EPB41L4A: variants seen among roughly 807,000 people sequenced by gnomAD.
EPB41L4A encodes band 4.1-like protein 4A.
EPB41L4A carries 100 observed loss-of-function variants against 108.6 expected under a neutral mutation model. The ratio of observed to expected loss-of-function variants is 0.92; its 90% confidence interval spans 0.78 to 1.09. EPB41L4A has a LOEUF of 1.09. Among genes scored for constraint, EPB41L4A ranks in the 50% least tolerant of loss-of-function variants. The probability of loss-of-function intolerance (pLI) is 0.00; values close to 1 mark genes in which losing one functional copy is unlikely to be tolerated. For synonymous variants in EPB41L4A, 319 were observed against 289.0 expected, an observed-to-expected ratio of 1.10 and a Z score of -1.05; for missense variants, 1,030 against 842.7, an observed-to-expected ratio of 1.22 and a Z score of -2.75.
intron 1 of EPB41L4A, among the ~76,000 whole-genome samples, chr5:112,399,924 G>C (rs1761625697): frequency 6.6e-6 from 1 of 152,116 alleles, no homozygotes; most frequent in Non-Finnish European, 1.5e-5. Context: ...TCTCCCACTG[G>C]TTCAATATCA....
At chr5:112,281,987 G>A (rs1158573151) in intron 2 of EPB41L4A, among the ~76,000 whole-genome samples, 1 of 151,984 alleles carries the variant, frequency 6.6e-6, no homozygotes, top group Non-Finnish European at 1.5e-5. Context: ...ATATCTAAGT[G>A]TAGCAACTAA....
downstream of EPB41L4A, chr5:112,160,500 T>C (rs1230637505): frequency 1.3e-5 from 2 of 152,332 alleles, no homozygotes; most frequent in South Asian, 2.1e-4. Flanking sequence ...ATGACTCTAC[T>C]CTTCCTCAGC....
chr5:112,175,380 T>C (rs1760809382), intron 18 of EPB41L4A: 1 of 152,250 alleles, frequency 6.6e-6, no homozygotes, highest in Admixed American at 6.5e-5. Context: ...CCCAATGTTT[T>C]AACAGAGATC....
At chr5:112,210,731 G>C (rs760947542) in intron 12 of EPB41L4A, among the ~76,000 whole-genome samples, 1 of 152,046 alleles carries the variant, frequency 6.6e-6, no homozygotes, top group African/African-American at 2.4e-5. Context: ...GCAGAAGTGA[G>C]GTGTGTGGGC....
At chr5:112,209,293 T>A (rs1036641055) in intron 13 of EPB41L4A, among the ~76,000 whole-genome samples, 26 of 152,182 alleles carry the variant, frequency 1.7e-4, no homozygotes, top group Non-Finnish European at 1.5e-5. Context: ...GAAGAAAAAA[T>A]GACTCTGCAA....
chr5:112,266,391 G>C (rs77152091), intron 4 of EPB41L4A, 61 bp from the exon 5 acceptor site: 35 of 1,167,998 alleles, frequency 3.0e-5, no homozygotes, highest in East Asian at 1.8e-4. Flanking sequence ...CTGAGGTTTC[G>C]GACCCTGATA....
chr5:112,328,105 C>T (rs929410318), intron 1 of EPB41L4A, among the ~76,000 whole-genome samples: 1 of 151,998 alleles, frequency 6.6e-6, no homozygotes, highest in Non-Finnish European at 1.5e-5. Context: ...GTCAGGAGAT[C>T]GAGACCATCC....
intron 2 of EPB41L4A, among the ~76,000 whole-genome samples, chr5:112,291,778 C>T (rs59723280): frequency 0.027 from 4,055 of 152,302 alleles, 178 homozygotes; most frequent in African/African-American, 0.092. Flanking sequence ...TGGAGGGTGG[C>T]GTGCCCAGGA....
intron 12 of EPB41L4A, among the ~76,000 whole-genome samples, chr5:112,217,002 C>T (rs1202421503): frequency 1.3e-5 from 2 of 150,972 alleles, no homozygotes; most frequent in Non-Finnish European, 2.9e-5. Context: ...GACAGAGTCT[C>T]GCTCAGCCAC....
intron 1 of EPB41L4A, among the ~76,000 whole-genome samples, chr5:112,410,109 G>A (rs904763343): frequency 1.3e-5 from 2 of 152,190 alleles, no homozygotes; most frequent in African/African-American, 4.8e-5. Context: ...CTTCATGAGA[G>A]CTGATACATC....
At chr5:112,411,181 T>C (rs1162162060) in intron 1 of EPB41L4A, among the ~76,000 whole-genome samples, 1 of 152,250 alleles carries the variant, frequency 6.6e-6, no homozygotes, top group East Asian at 1.9e-4. Context: ...GGCTTAGGCA[T>C]CTAGTGCAGA....
intron 1 of EPB41L4A, among the ~76,000 whole-genome samples, chr5:112,309,980 T>A (rs1754944439): frequency 6.6e-6 from 1 of 152,168 alleles, no homozygotes; most frequent in Non-Finnish European, 1.5e-5. Flanking sequence ...CAACAAGGGT[T>A]TGGAAGTCGA....
chr5:112,258,939 T>C (rs1362017484), intron 9 of EPB41L4A, among the ~76,000 whole-genome samples: 1 of 152,142 alleles, frequency 6.6e-6, no homozygotes, highest in African/African-American at 2.4e-5. Flanking sequence ...TCACAGAGAG[T>C]ACTGGAAAGC....
At position 112,204,401 on chromosome 5, in the gene EPB41L4A, A is replaced by G. The variant is rs1375773086; in HGVS notation, c.1350T>C (p.Asn450=). ...TCCTCCTCACAGGCTGTACAGAATC[A>G]TTGTCACTTCCACAGGAGGGGTTTC... ...RRRNPSCGSD[N]DSVQPVRRRK... The change falls in exon 15 of 23, where the codon AAT becomes AAC. Residue 450 remains asparagine (N), a synonymous_variant. Transcript: ENST00000261486. 1.2e-6 allele frequency: 2 copies of G among 1,613,556 alleles called. No homozygotes were observed. The highest frequency in any genetic ancestry group is 1.7e-5 in the Admixed American group (1 of 60,024).
At chr5:112,145,596 GAC>G (rs1159618218) in intron 13 of EPB41L4A, among the ~76,000 whole-genome samples, 38 of 152,156 alleles carry the variant, frequency 2.5e-4, no homozygotes, top group African/African-American at 8.7e-4. Flanking sequence ...TTGACTTTAG[GAC>G]ACATGTAGTG....
chr5:112,411,049 T>C (rs557539348), intron 1 of EPB41L4A, among the ~76,000 whole-genome samples: 53 of 152,286 alleles, frequency 3.5e-4, no homozygotes, highest in African/African-American at 1.1e-3. Flanking sequence ...CATGTTCAAG[T>C]AGTTTGCAAT....
At chr5:112,396,212 A>G (rs1415015278) in intron 1 of EPB41L4A, among the ~76,000 whole-genome samples, 2 of 152,212 alleles carry the variant, frequency 1.3e-5, no homozygotes, top group Non-Finnish European at 2.9e-5. Context: ...ACAAACCTGC[A>G]CGTTGTGCAC....
At chr5:112,339,955 G>A (rs1015384610) in intron 1 of EPB41L4A, among the ~76,000 whole-genome samples, 4 of 152,018 alleles carry the variant, frequency 2.6e-5, no homozygotes, top group African/African-American at 9.7e-5. Context: ...GAAAACCAGG[G>A]CCTAGACTAG....
At chr5:112,342,182 TA>T (rs1166249929) in intron 1 of EPB41L4A, among the ~76,000 whole-genome samples, 1 of 152,110 alleles carries the variant, frequency 6.6e-6, no homozygotes, top group Non-Finnish European at 1.5e-5. Flanking sequence ...AGATACTGGG[TA>T]ATGAAGAGAA....
Sources: allele counts gnomAD v4.1 joint callset (sites outside exome capture counted in the v4.1 genomes callset), GRCh38; gene constraint gnomAD v4.1.1; transcripts MANE v1.5; gene names NCBI Gene and HGNC (gene_info 2026-07-23, HGNC 2026-07-21).